Variants in CUL3 observed in about 807,000 individuals in gnomAD.
CUL3 encodes the protein cullin-3.
In CUL3, 19 loss-of-function variants were observed where a neutral mutation model predicts 89.1. The observed-to-expected ratio is 0.21, with a 90% CI of 0.15 to 0.31. The LOEUF is 0.31. Ranked by LOEUF, CUL3 falls within the 10% of genes least tolerant of loss-of-function variation. The pLI, the probability that CUL3 is intolerant of heterozygous loss-of-function variation, is 1.00. For missense variants in CUL3, 469 were observed against 942.3 expected (o/e 0.50, Z 6.58); for synonymous variants, 351 against 308.4 (o/e 1.14, Z -1.45).
At position 224,485,742 on chromosome 2, in the gene CUL3, G is replaced by A. The variant is rs1214039268; in HGVS notation, c.1843-3664C>T. ...TGAAGAGAGCAGTGGATCCCACAGC[G>A]CAGCACTCCAGCTCTGCGAAGGGAC... On this transcript the variant is annotated intron_variant, in intron 13 of 15. Coordinates refer to ENST00000264414, the MANE Select transcript of CUL3 (RefSeq NM_003590.5). The surrounding 1 kb of genome is among the most constrained non-coding windows in gnomAD (Gnocchi z 4.1). Among the ~76,000 whole-genome samples, 2 of 152,208 alleles carry A rather than the reference G, an allele frequency of 1.3e-5. No homozygotes were observed. The highest frequency in any genetic ancestry group is 6.5e-5 in the Admixed American group (1 of 15,290).
chr2:224,542,579 G>A (rs561272360), intron 2 of CUL3, among the ~76,000 whole-genome samples: 137 of 152,134 alleles, frequency 9.0e-4, no homozygotes, highest in African/African-American at 3.1e-3. Flanking sequence ...GTGCGCGCGC[G>A]CATGCGTGTG....
intron 1 of CUL3, among the ~76,000 whole-genome samples, chr2:224,566,530 C>T (rs1289244313): frequency 6.6e-6 from 1 of 152,166 alleles, no homozygotes; most frequent in Non-Finnish European, 1.5e-5. Flanking sequence ...TTGTCTACAT[C>T]AAAAACCTGT....
rs766648384 is a variant in CUL3 at position 224,502,930 on chromosome 2, T to G, written c.1485+35A>C. 25 of 1,463,308 alleles carry G rather than the reference T, an allele frequency of 1.7e-5. No homozygotes were observed. In the Admixed American group the frequency reaches 2.6e-4, roughly 15 times the overall value. The allele number at this position is 1,463,308 out of a possible 1,614,324, so 90.6% of individuals were successfully genotyped here. ...TATACCCATTACAAAAGACTTTACA[T>G]GAATATCTAAGTAGAAATTAACGCA... On this transcript the variant is annotated intron_variant, in intron 10 of 15. Transcript: ENST00000264414.
At chr2:224,563,025 A>T (rs1392249841) in intron 1 of CUL3, 1 of 344,470 alleles carries the variant, frequency 2.9e-6, no homozygotes, top group Non-Finnish European at 5.7e-6. Flanking sequence ...GCACAGTATA[A>T]TCCCTCATGC....
intron 1 of CUL3, among the ~76,000 whole-genome samples, chr2:224,558,231 T>C (rs536704318): frequency 7.9e-5 from 12 of 152,186 alleles, no homozygotes; most frequent in Admixed American, 2.0e-4. Context: ...TCCTGACATA[T>C]ATCCGTATAG....
chr2:224,496,195 T>C (rs1227112682), intron 12 of CUL3, among the ~76,000 whole-genome samples: 1 of 152,166 alleles, frequency 6.6e-6, no homozygotes, highest in Non-Finnish European at 1.5e-5. Flanking sequence ...CATGCCCAGC[T>C]AACTTTTGTA....
In CUL3 at chr2:224,500,513, C is replaced by T. The variant is rs544035706; in HGVS notation, c.1486-26G>A. 49 of 1,608,688 alleles carry T rather than the reference C, an allele frequency of 3.0e-5. No homozygotes were observed. The South Asian group carries it at 5.0e-4, about 16-fold the overall frequency. On this transcript the variant is annotated intron_variant, in intron 10 of 15. Coordinates refer to ENST00000264414, the MANE Select transcript of CUL3 (RefSeq NM_003590.5). ...CTATGTAAAACAGAAAGAGATATTCCCCTCAAAATTAACTAGGATTTGCTT... is the reference window on the plus strand; with the variant it reads ...CTATGTAAAACAGAAAGAGATATTCTCCTCAAAATTAACTAGGATTTGCTT...
intron 1 of CUL3, among the ~76,000 whole-genome samples, chr2:224,558,568 G>C (rs758336888): frequency 6.6e-6 from 1 of 152,176 alleles, no homozygotes; most frequent in African/African-American, 2.4e-5. Context: ...TGTACTCGAA[G>C]TATAGCATAA....
At chr2:224,543,214 T>C (rs1326320912) in intron 2 of CUL3, among the ~76,000 whole-genome samples, 1 of 152,176 alleles carries the variant, frequency 6.6e-6, no homozygotes, top group Non-Finnish European at 1.5e-5. Flanking sequence ...TACTGAAAAT[T>C]GAGGACTTCC....
At chr2:224,517,101 T>C (rs1264792437) in intron 3 of CUL3, among the ~76,000 whole-genome samples, 1 of 152,220 alleles carries the variant, frequency 6.6e-6, no homozygotes, top group Non-Finnish European at 1.5e-5. Context: ...ATTATAAAAA[T>C]AATCACTATT....
chr2:224,517,062 T>G lies in CUL3; in HGVS notation c.379-2290A>C, dbSNP rs189008911. Among the ~76,000 whole-genome samples the G allele has an allele frequency of 2.9e-4, 44 of 152,334 alleles. 1 individual carries two copies. The highest frequency in any genetic ancestry group is 3.9e-4 in the Admixed American group (6 of 15,302). ...ATAATAAAAACTAGCATAAATTTAATAATTCAAAAACCAACAAGAATCCCT... is the reference window on the plus strand; with the variant it reads ...ATAATAAAAACTAGCATAAATTTAAGAATTCAAAAACCAACAAGAATCCCT... On this transcript the variant is annotated intron_variant, in intron 3 of 15. Transcript: ENST00000264414.
At chr2:224,554,496 G>C (rs1694632911) in intron 2 of CUL3, among the ~76,000 whole-genome samples, 1 of 152,190 alleles carries the variant, frequency 6.6e-6, no homozygotes, top group Non-Finnish European at 1.5e-5. Context: ...GATCTACAGA[G>C]AATTCAAGGG....
chr2:224,549,954 T>C (rs1694450783), intron 2 of CUL3, among the ~76,000 whole-genome samples: 1 of 152,172 alleles, frequency 6.6e-6, no homozygotes, highest in Non-Finnish European at 1.5e-5. Context: ...TATCTTATAA[T>C]GTAAGATTAG....
intron 6 of CUL3, among the ~76,000 whole-genome samples, chr2:224,509,192 G>C (rs114933645): frequency 6.6e-6 from 1 of 151,980 alleles, no homozygotes; most frequent in African/African-American, 2.4e-5. Context: ...GGTTTCTAGC[G>C]GAAGCTCAGA....
Position 224,555,651 on chromosome 2 carries a change from C to T in CUL3, c.264+2008G>A, listed in dbSNP as rs4673113. ...GTAATTATTATATGCCTCAGTCAAA[C>T]TCTACTTACCACCTAAGTTTAACCA... On this transcript the variant is annotated intron_variant, in intron 2 of 15. Coordinates refer to ENST00000264414, the MANE Select transcript of CUL3 (RefSeq NM_003590.5). Among the ~76,000 whole-genome samples, 1,262 of 152,292 alleles carry T rather than the reference C, an allele frequency of 8.3e-3. 10 individuals carry two copies. Among genetic ancestry groups the T allele is most frequent in the African/African-American group, 0.029 (1,203 of 41,566 alleles).
At chr2:224,569,295 A>G (rs549390210) in intron 1 of CUL3, among the ~76,000 whole-genome samples, 3 of 152,322 alleles carry the variant, frequency 2.0e-5, no homozygotes, top group East Asian at 1.9e-4. Flanking sequence ...AATATTTGCT[A>G]TCTAATTATC....
rs200222261 is a variant in CUL3, at chr2:224,508,975, G to A, written c.884-1972C>T. Reference sequence around the variant, plus strand: ...AGACTTCGTCTCAAAAAAAAAAAAAGATACCTCTGAACTTCATTTCATAGT... The same window carrying A: ...AGACTTCGTCTCAAAAAAAAAAAAAAATACCTCTGAACTTCATTTCATAGT... On this transcript the variant is annotated intron_variant, in intron 6 of 15. Transcript: ENST00000264414. Among the ~76,000 whole-genome samples, 83 of 77,722 alleles carry A rather than the reference G, an allele frequency of 1.1e-3. 1 individual carries two copies. The highest frequency in any genetic ancestry group is 6.4e-3 in the Middle Eastern group (1 of 156). 51.0% of individuals were successfully genotyped at this position (77,722 alleles called of 152,430 possible). A position where few individuals can be genotyped will look rare whatever the true frequency, so the allele number is the denominator to read the frequency against.
chr2:224,568,829 A>C (rs938010105), intron 1 of CUL3, among the ~76,000 whole-genome samples: 2 of 152,242 alleles, frequency 1.3e-5, no homozygotes, highest in African/African-American at 4.8e-5. Flanking sequence ...AATGGGCTTC[A>C]AGTGCAGATT....
intron 13 of CUL3, among the ~76,000 whole-genome samples, chr2:224,490,680 C>T (rs144237695): frequency 4.2e-4 from 63 of 149,140 alleles, no homozygotes; most frequent in East Asian, 2.6e-3. Context: ...CAAACTTACA[C>T]GTTCTGCACA....
Sources: allele counts gnomAD v4.1 joint callset (sites outside exome capture counted in the v4.1 genomes callset), GRCh38; gene constraint gnomAD v4.1.1; non-coding constraint Gnocchi (gnomAD v3.1); transcripts MANE v1.5; gene names NCBI Gene and HGNC (gene_info 2026-07-23, HGNC 2026-07-21).